The following APBA2 variants were observed in gnomAD, a reference collection of about 807,000 sequenced individuals.
APBA2 encodes amyloid-beta A4 precursor protein-binding family A member 2.
Under a neutral mutation model 75.0 loss-of-function variants are expected in APBA2, and 30 were observed. The observed-to-expected ratio is 0.40, with a 90% CI of 0.30 to 0.54. The LOEUF (loss-of-function observed/expected upper bound fraction) is 0.54. APBA2 is among the 20% of genes least tolerant of loss of function. The probability of loss-of-function intolerance (pLI) is 0.49; values close to 1 mark genes in which losing one functional copy is unlikely to be tolerated. For missense variants in APBA2, 801 were observed against 1,016.1 expected (o/e 0.79, Z 2.88); for synonymous variants, 444 against 409.6 (o/e 1.08, Z -1.01).
intron 1 of APBA2, among the ~76,000 whole-genome samples, chr15:28,901,157 G>A (rs2032826915): frequency 6.6e-6 from 1 of 152,228 alleles, no homozygotes; most frequent in African/African-American, 2.4e-5. Flanking sequence ...AAGATTTTGT[G>A]TCTTCAGCCA....
At chr15:29,062,415 C>T (rs879264250) in intron 4 of APBA2, among the ~76,000 whole-genome samples, 1 of 152,112 alleles carries the variant, frequency 6.6e-6, no homozygotes, top group Admixed American at 6.5e-5. Flanking sequence ...TAAAATCCTA[C>T]GGGTGTGCAT....
chr15:28,889,685 G>C (rs1480332654), intron 1 of APBA2, among the ~76,000 whole-genome samples: 1 of 152,120 alleles, frequency 6.6e-6, no homozygotes, highest in Admixed American at 6.5e-5. Context: ...TTATTCCTTG[G>C]TCCTCAGATT....
intron 12 of APBA2, among the ~76,000 whole-genome samples, chr15:29,107,278 C>T (rs1039432105): frequency 6.6e-6 from 1 of 152,184 alleles, no homozygotes; most frequent in African/African-American, 2.4e-5. Flanking sequence ...GCCACCCTGA[C>T]CGTCAGACTC....
At chr15:28,887,633 G>C (rs563658997) in intron 1 of APBA2, among the ~76,000 whole-genome samples, 1 of 152,190 alleles carries the variant, frequency 6.6e-6, no homozygotes, top group Non-Finnish European at 1.5e-5. Context: ...CCTGCAGCCT[G>C]GGCTGGAGAG....
chr15:28,964,999 T>C (rs2036664458), intron 2 of APBA2, among the ~76,000 whole-genome samples: 1 of 152,094 alleles, frequency 6.6e-6, no homozygotes, highest in South Asian at 2.1e-4. Context: ...AATTTTTTCC[T>C]TTTATGGATA....
chr15:29,068,670 T>C (rs1481964960), intron 4 of APBA2, among the ~76,000 whole-genome samples: 1 of 152,210 alleles, frequency 6.6e-6, no homozygotes, highest in African/African-American at 2.4e-5. Flanking sequence ...CTGCCTCTGC[T>C]GCCTGGATGA....
At position 29,054,920 on chromosome 15, in the gene APBA2, C is replaced by T. The variant is rs974930283; in HGVS notation, c.951+85C>T. On this transcript the variant is annotated intron_variant, in intron 4 of 14. Transcript: ENST00000683413. This position sits in a 1 kb window ranked among gnomAD's most constrained non-coding sequence, Gnocchi z 6.1. Reference sequence around the variant, plus strand: ...GGTACAGGCCTTGCAGATGCTGAAGCGAGGCGGTGGGGGGTGCTGGGTGCC... The same window carrying T: ...GGTACAGGCCTTGCAGATGCTGAAGTGAGGCGGTGGGGGGTGCTGGGTGCC... 6.2e-5 allele frequency: 84 copies of T among 1,346,526 alleles called. No individual in the cohort carries two copies. The highest frequency in any genetic ancestry group is 4.4e-4 in the Middle Eastern group (2 of 4,504). The allele number at this position is 1,346,526 out of a possible 1,614,324, so 83.4% of individuals were successfully genotyped here. A position where few individuals can be genotyped will look rare whatever the true frequency, so the allele number is the denominator to read the frequency against.
chr15:28,921,007 G>A (rs2033945796), intron 1 of APBA2, among the ~76,000 whole-genome samples: 1 of 152,146 alleles, frequency 6.6e-6, no homozygotes, highest in Admixed American at 6.5e-5. Flanking sequence ...AGGAGAAACA[G>A]TGTCACTGGC....
chr15:28,952,541 G>A (rs1046337871), intron 2 of APBA2, among the ~76,000 whole-genome samples: 9 of 152,128 alleles, frequency 5.9e-5, no homozygotes, highest in African/African-American at 2.2e-4. Flanking sequence ...AAGAAAAAAG[G>A]AGTATCTGGG....
intron 2 of APBA2, among the ~76,000 whole-genome samples, chr15:28,946,192 C>T (rs1294786297): frequency 6.6e-6 from 1 of 152,206 alleles, no homozygotes; most frequent in African/African-American, 2.4e-5. Flanking sequence ...GATATCCACA[C>T]CCTAGCTGTG....
At chr15:29,021,629 C>T (rs1012939515) in intron 3 of APBA2, among the ~76,000 whole-genome samples, 1 of 152,144 alleles carries the variant, frequency 6.6e-6, no homozygotes, top group Non-Finnish European at 1.5e-5. Context: ...TACTTTATTA[C>T]GATGATGATG....
At chr15:29,089,599 C>T (rs530393730) in intron 6 of APBA2, among the ~76,000 whole-genome samples, 110 of 152,268 alleles carry the variant, frequency 7.2e-4, no homozygotes, top group African/African-American at 2.6e-3. Context: ...TAATTTTCTT[C>T]AAAGGTGGCA....
At chr15:29,053,323 T>G (rs528017663) in intron 3 of APBA2, among the ~76,000 whole-genome samples, 16 of 152,082 alleles carry the variant, frequency 1.1e-4, no homozygotes, top group Admixed American at 1.0e-3. Context: ...CGGTGAACAT[T>G]GTTCAGTTTG....
intron 12 of APBA2, among the ~76,000 whole-genome samples, chr15:29,107,859 G>A (rs1055263844): frequency 6.6e-6 from 1 of 152,214 alleles, no homozygotes; most frequent in Non-Finnish European, 1.5e-5. Flanking sequence ...TGGGTTTTGA[G>A]GAAGGTGTCT....
At chr15:29,009,353 T>A (rs1478017466) in intron 3 of APBA2, among the ~76,000 whole-genome samples, 3 of 152,222 alleles carry the variant, frequency 2.0e-5, no homozygotes, top group Admixed American at 6.5e-5. Context: ...CTTTTTGAAG[T>A]CTGTTTTGAA....
rs554013521 is a variant in APBA2 at position 29,105,077 on chromosome 15, A to G, written c.1525-302A>G. Among the ~76,000 whole-genome samples, 4 of 152,346 alleles carry G rather than the reference A, an allele frequency of 2.6e-5. No individual in the cohort carries two copies. The South Asian group carries it at 8.3e-4, about 32-fold the overall frequency. ...TCATTGTTGTCCCAGACTTTCTTTGAAACAGCTTTGACCTGGAGCATCTGG... is the reference window on the plus strand; with the variant it reads ...TCATTGTTGTCCCAGACTTTCTTTGGAACAGCTTTGACCTGGAGCATCTGG... On this transcript the variant is annotated intron_variant, in intron 10 of 14. Transcript: ENST00000683413.
At position 28,918,477 on chromosome 15, in the gene APBA2, A is replaced by C. The variant is rs1293409987; in HGVS notation, c.-204-3163A>C. Reference sequence around the variant, plus strand: ...GACTCCCAGGTGGGAGAGGTGAAGCAGATGGCTTCCCCCACTGCAAGGAGG... The same window carrying C: ...GACTCCCAGGTGGGAGAGGTGAAGCCGATGGCTTCCCCCACTGCAAGGAGG... On this transcript the variant is annotated intron_variant, in intron 1 of 14. Coordinates refer to ENST00000683413, the MANE Select transcript of APBA2 (RefSeq NM_001353788.2). The surrounding 1 kb of genome is among the most constrained non-coding windows in gnomAD (Gnocchi z 4.2). Among the ~76,000 whole-genome samples, 1 of 152,232 alleles carries C rather than the reference A, an allele frequency of 6.6e-6. No homozygotes were observed.
Position 28,991,013 on chromosome 15 carries a change from C to CTCAG in APBA2, c.-94-4739_-94-4736dup, listed in dbSNP as rs1283515244. Among the ~76,000 whole-genome samples, 1 of 152,190 alleles carries CTCAG rather than the reference C, an allele frequency of 6.6e-6. No homozygotes were observed. The highest frequency in any genetic ancestry group is 1.5e-5 in the Non-Finnish European group (1 of 68,048). ...AGGTTTGAGCTTTCTATTCTAAAGGCTCAGCTTCTTGCCCAGGAGAAAAAT... is the reference window on the plus strand; with the variant it reads ...AGGTTTGAGCTTTCTATTCTAAAGGCTCAGTCAGCTTCTTGCCCAGGAGAAAAAT... On this transcript the variant is annotated intron_variant, in intron 2 of 14. Transcript: ENST00000683413. This position sits in a 1 kb window ranked among gnomAD's most constrained non-coding sequence, Gnocchi z 4.7.
intron 2 of APBA2, among the ~76,000 whole-genome samples, chr15:28,971,351 C>G (rs2037058363): frequency 6.6e-6 from 1 of 152,084 alleles, no homozygotes; most frequent in Non-Finnish European, 1.5e-5. Flanking sequence ...ATGATTATAG[C>G]ACAACTAGGG....
Sources: allele counts gnomAD v4.1 joint callset (sites outside exome capture counted in the v4.1 genomes callset), GRCh38; gene constraint gnomAD v4.1.1; non-coding constraint Gnocchi (gnomAD v3.1); transcripts MANE v1.5; gene names NCBI Gene and HGNC (gene_info 2026-07-23, HGNC 2026-07-21).